Variants in MBNL1 observed in about 807,000 individuals in gnomAD.
The protein encoded by MBNL1 is muscleblind-like protein 1.
In MBNL1, 8 loss-of-function variants were observed where a neutral mutation model predicts 42.2. The ratio of observed to expected loss-of-function variants is 0.19; its 90% CI spans 0.11 to 0.34. The LOEUF (loss-of-function observed/expected upper bound fraction) is 0.34, where lower values mean the gene tolerates loss of function less well. Among genes scored for constraint, MBNL1 ranks in the 10% least tolerant of loss-of-function variants. The pLI, the probability that MBNL1 is intolerant of heterozygous loss-of-function variation, is 1.00. For synonymous variants in MBNL1, 169 were observed against 173.9 expected (o/e 0.97, Z 0.22); for missense variants, 309 against 495.3 (o/e 0.62, Z 3.57).
chr3:152,404,902 A>G (rs140402243), intron 2 of MBNL1, among the ~76,000 whole-genome samples: 57 of 152,086 alleles, frequency 3.7e-4, no homozygotes, highest in African/African-American at 1.3e-3. Flanking sequence ...ATTGAAGTAG[A>G]TAATATGAAG....
upstream of MBNL1, chr3:152,267,023 A>T (rs1350311040): frequency 6.6e-6 from 1 of 152,090 alleles, no homozygotes; most frequent in Non-Finnish European, 1.5e-5. Context: ...CTCCTGTACT[A>T]CCCTACCCTC....
upstream of MBNL1, chr3:152,268,787 G>A (rs866700429): frequency 6.1e-5 from 27 of 445,142 alleles, 1 homozygote; most frequent in African/African-American, 3.3e-4. Flanking sequence ...GTTGAAGAGC[G>A]TTTTTCTCGC....
chr3:152,289,064 C>G (rs2054311225), intron 1 of MBNL1, among the ~76,000 whole-genome samples: 1 of 151,432 alleles, frequency 6.6e-6, no homozygotes, highest in African/African-American at 2.4e-5. Flanking sequence ...GGTGGAAGTA[C>G]ATATTCGTAA....
At chr3:152,402,483 G>C (rs1270860506) in intron 2 of MBNL1, among the ~76,000 whole-genome samples, 1 of 152,144 alleles carries the variant, frequency 6.6e-6, no homozygotes. Flanking sequence ...CATTGAGCTG[G>C]GACTGTATTG....
At chr3:152,263,437 AGTTAT>A (rs1356899603), upstream of MBNL1, 1 of 152,120 alleles carries the variant, frequency 6.6e-6, no homozygotes, top group Non-Finnish European at 1.5e-5. Context: ...CCTTCCCTCA[AGTTAT>A]GTTATCTCGA....
chr3:152,303,089 A>G (rs551723906), intron 2 of MBNL1, among the ~76,000 whole-genome samples: 36 of 152,192 alleles, frequency 2.4e-4, no homozygotes, highest in South Asian at 6.2e-4. Context: ...GTCAATTGGT[A>G]TGTTACTAAA....
At position 152,355,828 on chromosome 3, in the gene MBNL1, T is replaced by C. The variant is rs565465149; in HGVS notation, c.174+55461T>C. ...GTGTGACTTTTTCCCCAAGAATGAT[T>C]TCATCTGCTTCCACCAATTTCAGTA... On this transcript the variant is annotated intron_variant, in intron 2 of 9. Transcript: ENST00000324210. Among the ~76,000 whole-genome samples the C allele has an allele frequency of 3.9e-5, 6 of 152,284 alleles. No homozygotes were observed. The East Asian group carries it at 9.6e-4, about 24-fold the overall frequency.
intron 4 of MBNL1, among the ~76,000 whole-genome samples, chr3:152,442,151 T>A (rs996686128): frequency 6.6e-6 from 1 of 152,188 alleles, no homozygotes; most frequent in Non-Finnish European, 1.5e-5. Flanking sequence ...ATCTGTACAT[T>A]TATCTGCCAA....
chr3:152,247,485 G>T (rs1160694757), intron 2 of MBNL1, among the ~76,000 whole-genome samples: 2 of 151,360 alleles, frequency 1.3e-5, no homozygotes, highest in Non-Finnish European at 3.0e-5. Context: ...AAAGAATAAG[G>T]GTAAGCCATT....
chr3:152,415,860 T>C (rs1401356612), intron 3 of MBNL1, among the ~76,000 whole-genome samples: 3 of 152,206 alleles, frequency 2.0e-5, no homozygotes, highest in Non-Finnish European at 4.4e-5. Context: ...TTTAATAATC[T>C]CTATTCATAT....
At position 152,443,180 on chromosome 3, in the gene MBNL1, ACCC is replaced by A. The variant is rs34456724; in HGVS notation, c.550-2093_550-2091del. On this transcript the variant is annotated intron_variant, in intron 4 of 9. Transcript: ENST00000324210. ...ATAAACCAATCCTTAACCTGTAGAAACCCCCCCCCCCACACACACACACATGCA... is the reference window on the plus strand; with the variant it reads ...ATAAACCAATCCTTAACCTGTAGAAACCCCCCCCACACACACACACATGCA... 2.6e-3 allele frequency among the ~76,000 whole-genome samples: 373 copies of A among 142,640 alleles called. 2 individuals are homozygous for A. Among genetic ancestry groups the A allele is most frequent in the African/African-American group, 9.5e-3 (355 of 37,286 alleles). 93.6% of individuals were successfully genotyped at this position (142,640 alleles called of 152,430 possible).
chr3:152,248,514 T>G (rs2033700331), intron 2 of MBNL1, among the ~76,000 whole-genome samples: 1 of 152,072 alleles, frequency 6.6e-6, no homozygotes, highest in Non-Finnish European at 1.5e-5. Context: ...GGTCATAATT[T>G]TTTTCTGAAC....
In MBNL1 at chr3:152,385,067, A is replaced by G. The variant is rs141537930; in HGVS notation, c.175-29874A>G. 5.3e-3 allele frequency among the ~76,000 whole-genome samples: 810 copies of G among 152,254 alleles called. 7 individuals are homozygous for G. The Middle Eastern group carries it at 0.058, about 11-fold the overall frequency. On this transcript the variant is annotated intron_variant, in intron 2 of 9. Coordinates refer to ENST00000324210, the MANE Select transcript of MBNL1 (RefSeq NM_021038.5). ...ATTATACATCCCTAGTAGAAATCTC[A>G]GGAAAAGAACCCTTTCCATTTGGTA...
At chr3:152,273,950 A>G (rs771002251) in intron 1 of MBNL1, among the ~76,000 whole-genome samples, 45 of 152,204 alleles carry the variant, frequency 3.0e-4, no homozygotes, top group African/African-American at 1.0e-3. Context: ...AATTTATTCA[A>G]ATCACCTGAA....
intron 8 of MBNL1, chr3:152,459,008 T>G (rs1739606346): frequency 3.6e-6 from 1 of 280,046 alleles, no homozygotes; most frequent in Non-Finnish European, 6.7e-6. Context: ...CAATTACTGC[T>G]CTGCATGAAT....
chr3:152,387,922 G>A (rs1348074889), intron 2 of MBNL1, among the ~76,000 whole-genome samples: 2 of 152,152 alleles, frequency 1.3e-5, no homozygotes, highest in Non-Finnish European at 2.9e-5. Flanking sequence ...TAGATGAAGA[G>A]TGGTAAGCCA....
chr3:152,269,911 C>CG (rs2039853101), intron 1 of MBNL1: 1 of 142,710 alleles, frequency 7.0e-6, no homozygotes, highest in Admixed American at 7.0e-5. Flanking sequence ...GTAGCCACCC[C>CG]CCAACTTTTT....
chr3:152,360,163 C>T (rs921264443), intron 2 of MBNL1, among the ~76,000 whole-genome samples: 11 of 152,104 alleles, frequency 7.2e-5, no homozygotes, highest in South Asian at 2.1e-4. Flanking sequence ...TTCAGCCTAA[C>T]GTGTCTTGAA....
chr3:152,330,671 TG>T (rs2083765592), intron 2 of MBNL1, among the ~76,000 whole-genome samples: 2 of 152,148 alleles, frequency 1.3e-5, no homozygotes, highest in South Asian at 4.1e-4. Flanking sequence ...CAGTTACCCA[TG>T]GTACAACACG....
Sources: allele counts gnomAD v4.1 joint callset (sites outside exome capture counted in the v4.1 genomes callset), GRCh38; gene constraint gnomAD v4.1.1; transcripts MANE v1.5; gene names NCBI Gene and HGNC (gene_info 2026-07-23, HGNC 2026-07-21).